The following DNER variants were observed in gnomAD, a reference collection of about 807,000 sequenced individuals.
The protein encoded by DNER is delta/notch like EGF repeat containing.
A neutral mutation model predicts 78.2 loss-of-function variants in DNER; 33 were observed. The observed-to-expected ratio is 0.42, with a 90% CI of 0.32 to 0.56. The LOEUF (loss-of-function observed/expected upper bound fraction) is 0.56. DNER is among the 20% of genes least tolerant of loss of function. The pLI is 0.11. For synonymous variants in DNER, 417 were observed against 384.8 expected (o/e 1.08, Z -0.98); for missense variants, 918 against 975.3 (o/e 0.94, Z 0.78).
chr2:229,663,119 C>T (rs1699035769), intron 1 of DNER, among the ~76,000 whole-genome samples: 1 of 152,192 alleles, frequency 6.6e-6, no homozygotes, highest in African/African-American at 2.4e-5. Flanking sequence ...ACTCTTTTCC[C>T]TATCCAGAGT....
At chr2:229,494,226 G>T (rs901727303) in intron 6 of DNER, among the ~76,000 whole-genome samples, 8 of 152,064 alleles carry the variant, frequency 5.3e-5, no homozygotes, top group African/African-American at 1.9e-4. Flanking sequence ...ACTCATTCTA[G>T]CATAATACCT....
At chr2:229,479,420 C>A (rs139634076) in intron 6 of DNER, among the ~76,000 whole-genome samples, 1 of 152,040 alleles carries the variant, frequency 6.6e-6, no homozygotes, top group Non-Finnish European at 1.5e-5. Flanking sequence ...ATATAAAAAC[C>A]ATCAATATTC....
At chr2:229,446,072 C>T (rs577009312) in intron 8 of DNER, among the ~76,000 whole-genome samples, 45 of 152,276 alleles carry the variant, frequency 3.0e-4, no homozygotes, top group Non-Finnish European at 5.1e-4. Context: ...CCAGGGACAC[C>T]GGCATTCGAA....
At chr2:229,616,117 G>A (rs1698158232) in intron 1 of DNER, among the ~76,000 whole-genome samples, 1 of 152,208 alleles carries the variant, frequency 6.6e-6, no homozygotes, top group Admixed American at 6.5e-5. Flanking sequence ...TAATGTGGTA[G>A]AAAATATTAT....
chr2:229,689,731 C>T (rs1699537713), intron 1 of DNER, among the ~76,000 whole-genome samples: 1 of 152,144 alleles, frequency 6.6e-6, no homozygotes, highest in Non-Finnish European at 1.5e-5. Flanking sequence ...TAAGCACTCC[C>T]ACCATTATGA....
chr2:229,515,861 G>A (rs541535287), intron 5 of DNER, among the ~76,000 whole-genome samples: 3 of 151,996 alleles, frequency 2.0e-5, no homozygotes, highest in East Asian at 1.9e-4. Flanking sequence ...AGCTGGTCTC[G>A]AACTCCTGAC....
chr2:229,507,401 T>A (rs1251697528), intron 6 of DNER, among the ~76,000 whole-genome samples: 5 of 152,242 alleles, frequency 3.3e-5, no homozygotes, highest in African/African-American at 7.2e-5. Flanking sequence ...TATGCCTACA[T>A]GTGCTATAAT....
chr2:229,380,006 A>T (rs1692698984), intron 11 of DNER, among the ~76,000 whole-genome samples: 1 of 152,228 alleles, frequency 6.6e-6, no homozygotes, highest in African/African-American at 2.4e-5. Flanking sequence ...GGAGGCCTAT[A>T]ACAATTACAC....
chr2:229,411,316 G>A (rs913564911), intron 9 of DNER, among the ~76,000 whole-genome samples: 4 of 152,142 alleles, frequency 2.6e-5, no homozygotes, highest in Non-Finnish European at 5.9e-5. Context: ...CAGCACTTTG[G>A]GAGGCCAACG....
At chr2:229,695,260 A>G (rs1018616930) in intron 1 of DNER, among the ~76,000 whole-genome samples, 1 of 152,216 alleles carries the variant, frequency 6.6e-6, no homozygotes, top group African/African-American at 2.4e-5. Context: ...AGAATGGACT[A>G]ATACACAGTC....
intron 1 of DNER, among the ~76,000 whole-genome samples, chr2:229,652,814 T>C (rs2154216317): frequency 6.6e-6 from 1 of 152,290 alleles, no homozygotes; most frequent in South Asian, 2.1e-4. Context: ...CCTGCTGCTG[T>C]TTTTCCCATT....
intron 4 of DNER, among the ~76,000 whole-genome samples, chr2:229,559,767 C>T (rs1696921474): frequency 6.6e-6 from 1 of 152,196 alleles, no homozygotes; most frequent in Non-Finnish European, 1.5e-5. Context: ...CAAAGATTAT[C>T]CAGGGATCTG....
chr2:229,465,197 T>C (rs1021741742), intron 7 of DNER, among the ~76,000 whole-genome samples: 1 of 152,142 alleles, frequency 6.6e-6, no homozygotes, highest in Admixed American at 6.5e-5. Context: ...CCGTCAATGA[T>C]AGACTAGACA....
chr2:229,557,478 G>C (rs1308187054), intron 4 of DNER, among the ~76,000 whole-genome samples: 1 of 152,214 alleles, frequency 6.6e-6, no homozygotes, highest in Non-Finnish European at 1.5e-5. Context: ...AGCTGTTTGA[G>C]AATAGGGAAT....
chr2:229,404,784 G>GT (rs1303809280), intron 10 of DNER, among the ~76,000 whole-genome samples: 2 of 152,112 alleles, frequency 1.3e-5, no homozygotes, highest in African/African-American at 4.8e-5. Flanking sequence ...AAATACTGAA[G>GT]TAAATTTTAA....
chr2:229,639,825 G>T (rs1698586459), intron 1 of DNER, among the ~76,000 whole-genome samples: 1 of 152,162 alleles, frequency 6.6e-6, no homozygotes, highest in African/African-American at 2.4e-5. Flanking sequence ...AAGAACCCAA[G>T]GGCAGGCCCT....
intron 7 of DNER, 50 bp downstream of exon 7, chr2:229,477,090 T>C: frequency 7.0e-7 from 1 of 1,438,716 alleles, no homozygotes; most frequent in East Asian, 2.3e-5. Context: ...CAAATTAGTT[T>C]ATGATTTAAA....
intron 1 of DNER, among the ~76,000 whole-genome samples, chr2:229,635,824 A>C (rs1698522189): frequency 6.6e-6 from 1 of 152,116 alleles, no homozygotes; most frequent in Non-Finnish European, 1.5e-5. Flanking sequence ...AGCAAAACAA[A>C]TATTTTGTGT....
At chr2:229,384,226 C>T (rs1275205050) in intron 11 of DNER, among the ~76,000 whole-genome samples, 1 of 152,128 alleles carries the variant, frequency 6.6e-6, no homozygotes, top group Non-Finnish European at 1.5e-5. Flanking sequence ...AACAAAGACA[C>T]AATGTACCAG....
Sources: allele counts gnomAD v4.1 joint callset (sites outside exome capture counted in the v4.1 genomes callset), GRCh38; gene constraint gnomAD v4.1.1; transcripts MANE v1.5; gene names NCBI Gene and HGNC (gene_info 2026-07-23, HGNC 2026-07-21).